The following KIAA0319L variants were observed in gnomAD, a reference collection of about 807,000 sequenced individuals.
The protein encoded by KIAA0319L is KIAA0319 like.
KIAA0319L carries 55 observed loss-of-function variants against 120.1 expected under a neutral mutation model. That is an observed-to-expected ratio of 0.46 (90% CI 0.37 to 0.57). The LOEUF (loss-of-function observed/expected upper bound fraction) is 0.57. Ranked by LOEUF, KIAA0319L falls within the 20% of genes least tolerant of loss-of-function variation. KIAA0319L has a pLI of 0.00. For missense variants in KIAA0319L, 1,049 were observed against 1,255.3 expected (o/e 0.84, Z 2.48); for synonymous variants, 398 against 471.9 (o/e 0.84, Z 2.03).
intron 6 of KIAA0319L, among the ~76,000 whole-genome samples, chr1:35,468,990 G>A (rs758353933): frequency 2.4e-4 from 36 of 152,214 alleles, no homozygotes; most frequent in Admixed American, 1.0e-3. Flanking sequence ...CAAAATAATC[G>A]GCACTGGGTA....
chr1:35,541,880 T>A (rs1167230532), intron 2 of KIAA0319L, among the ~76,000 whole-genome samples: 1 of 152,178 alleles, frequency 6.6e-6, no homozygotes, highest in Non-Finnish European at 1.5e-5. Flanking sequence ...AAGAAACAAG[T>A]GGCCCATCAT....
chr1:35,474,207 A>T (rs1467892451), intron 5 of KIAA0319L, among the ~76,000 whole-genome samples: 1 of 152,134 alleles, frequency 6.6e-6, no homozygotes, highest in Non-Finnish European at 1.5e-5. Context: ...GGTACTATAT[A>T]ATGTAGGGTT....
intron 3 of KIAA0319L, among the ~76,000 whole-genome samples, chr1:35,497,279 A>C (rs976707299): frequency 6.6e-6 from 1 of 152,200 alleles, no homozygotes; most frequent in Non-Finnish European, 1.5e-5. Flanking sequence ...GGATTGTAAT[A>C]ATGATTTACA....
intron 2 of KIAA0319L, among the ~76,000 whole-genome samples, chr1:35,548,247 C>A (rs527596785): frequency 6.6e-6 from 1 of 151,984 alleles, no homozygotes; most frequent in Non-Finnish European, 1.5e-5. Flanking sequence ...AAGACAGAGT[C>A]TCATCAACTT....
intron 3 of KIAA0319L, among the ~76,000 whole-genome samples, chr1:35,497,017 C>T (rs901299996): frequency 1.4e-5 from 2 of 147,518 alleles, no homozygotes; most frequent in African/African-American, 2.5e-5. Flanking sequence ...AAAAACATTA[C>T]GCTAAGTAGA....
chr1:35,542,675 A>G (rs1646837162), intron 2 of KIAA0319L, among the ~76,000 whole-genome samples: 1 of 152,228 alleles, frequency 6.6e-6, no homozygotes, highest in African/African-American at 2.4e-5. Context: ...AAAATAAAAA[A>G]GTGTCCAAAC....
chr1:35,483,756 A>G (rs183242897), intron 3 of KIAA0319L, among the ~76,000 whole-genome samples: 13 of 152,304 alleles, frequency 8.5e-5, no homozygotes, highest in African/African-American at 2.9e-4. Context: ...GCCATAATGA[A>G]TTACTATAAA....
chr1:35,541,504 C>G (rs560329419), intron 2 of KIAA0319L, among the ~76,000 whole-genome samples: 1 of 151,894 alleles, frequency 6.6e-6, no homozygotes, highest in Non-Finnish European at 1.5e-5. Flanking sequence ...CATGCACCAC[C>G]ACACCTGGCT....
chr1:35,434,772 T>C lies in KIAA0319L; in HGVS notation c.*122A>G, dbSNP rs1425302790. 3.9e-6 allele frequency: 3 copies of C among 779,194 alleles called. No homozygotes were observed. The highest frequency in any genetic ancestry group is 6.1e-6 in the Non-Finnish European group (3 of 492,190). The allele number at this position is 779,194 out of a possible 1,614,324, so 48.3% of individuals were successfully genotyped here. A position where few individuals can be genotyped will look rare whatever the true frequency, so the allele number is the denominator to read the frequency against. On this transcript the variant is annotated 3_prime_UTR_variant, in exon 21 of 21. Transcript: ENST00000325722. ...TGGATTCAAGTCCCAGGGGTTCTGG[T>C]TGGGACTGTCAGGGCGAAATGACCA...
At chr1:35,493,665 C>A (rs1408910859) in intron 3 of KIAA0319L, among the ~76,000 whole-genome samples, 1 of 151,710 alleles carries the variant, frequency 6.6e-6, no homozygotes, top group East Asian at 1.9e-4. Flanking sequence ...CCAGCCTGGG[C>A]AACATGGTGA....
chr1:35,549,043 G>A (rs758343837), intron 2 of KIAA0319L, among the ~76,000 whole-genome samples: 13 of 150,948 alleles, frequency 8.6e-5, no homozygotes, highest in South Asian at 2.1e-4. Flanking sequence ...CACTCTGTGC[G>A]TTGCATCTTT....
intron 2 of KIAA0319L, among the ~76,000 whole-genome samples, chr1:35,527,207 G>C (rs916955916): frequency 6.7e-6 from 1 of 148,942 alleles, no homozygotes; most frequent in African/African-American, 2.6e-5. Context: ...ATTTGCATTT[G>C]TTGAACCATC....
intron 2 of KIAA0319L, among the ~76,000 whole-genome samples, chr1:35,520,204 G>C (rs1268956872): frequency 1.3e-5 from 2 of 151,886 alleles, no homozygotes; most frequent in Non-Finnish European, 2.9e-5. Context: ...CCGGGTTCAA[G>C]CAATTCTGCC....
At chr1:35,480,733 C>T (rs543762297) in intron 3 of KIAA0319L, among the ~76,000 whole-genome samples, 9 of 151,888 alleles carry the variant, frequency 5.9e-5, no homozygotes, top group East Asian at 5.8e-4. Context: ...TGCAGTGAGC[C>T]GATATCATGC....
intron 4 of KIAA0319L, among the ~76,000 whole-genome samples, chr1:35,477,378 A>G (rs1024669638): frequency 7.9e-5 from 12 of 152,150 alleles, no homozygotes; most frequent in Non-Finnish European, 1.8e-4. Context: ...TAAAAACTAC[A>G]ATGAGATGGC....
upstream of KIAA0319L, chr1:35,557,581 C>T (rs1648314089): frequency 2.4e-6 from 1 of 422,272 alleles, no homozygotes. Context: ...CAGCCTCTCG[C>T]CGCCCGCTCT....
chr1:35,449,544 C>T (rs1004249634), intron 15 of KIAA0319L, among the ~76,000 whole-genome samples: 3 of 152,188 alleles, frequency 2.0e-5, no homozygotes, highest in East Asian at 1.9e-4. Context: ...TCATCAGTCA[C>T]GAGGAGAGGA....
chr1:35,539,915 A>AC (rs1295469318), intron 2 of KIAA0319L, among the ~76,000 whole-genome samples: 1 of 152,024 alleles, frequency 6.6e-6, no homozygotes, highest in African/African-American at 2.4e-5. Context: ...AATCAATGTT[A>AC]CCCCCCACTC....
At chr1:35,474,660 G>A (rs148551043) in intron 5 of KIAA0319L, 145 bp downstream of exon 5, 4 of 551,894 alleles carry the variant, frequency 7.2e-6, no homozygotes, top group African/African-American at 1.9e-5. Flanking sequence ...GAGTGGTAGT[G>A]TATGCCAGTA....
Sources: gnomAD v4.1 joint callset for allele counts (sites outside exome capture counted in the v4.1 genomes callset) on GRCh38, gnomAD v4.1.1 for gene constraint, MANE v1.5 for transcripts, NCBI Gene and HGNC (gene_info 2026-07-23, HGNC 2026-07-21) for gene names.